CFAP299: variants seen among roughly 807,000 people sequenced by gnomAD.
CFAP299 encodes the protein cilia and flagella associated protein 299.
Under a neutral mutation model 27.0 loss-of-function variants are expected in CFAP299, and 21 were observed. That is an observed-to-expected ratio of 0.78 (90% CI 0.55 to 1.12). The LOEUF (loss-of-function observed/expected upper bound fraction) is 1.12, where lower values mean the gene tolerates loss of function less well. CFAP299 is among the 50% of genes most tolerant of loss of function. The probability of loss-of-function intolerance (pLI) is 0.00; values close to 1 mark genes in which losing one functional copy is unlikely to be tolerated. For synonymous variants in CFAP299, 104 were observed against 98.1 expected, an observed-to-expected ratio of 1.06 and a Z score of -0.36; for missense variants, 310 against 276.6, an observed-to-expected ratio of 1.12 and a Z score of -0.86.
rs540534861 is a variant in CFAP299, at chr4:80,562,693, T to C, written c.243-20400T>C. On this transcript the variant is annotated intron_variant, in intron 2 of 5. Transcript: ENST00000358105. Reference sequence around the variant, plus strand: ...ATAATAATAATAATAATAATAATAATAACAACAACAACATTGAATGTATAA... The same window carrying C: ...ATAATAATAATAATAATAATAATAACAACAACAACAACATTGAATGTATAA... Among the ~76,000 whole-genome samples, 997 of 128,604 alleles carry C rather than the reference T, an allele frequency of 7.8e-3. 6 individuals carry two copies. The highest frequency in any genetic ancestry group is 0.027 in the Middle Eastern group (6 of 224). 84.4% of individuals were successfully genotyped at this position (128,604 alleles called of 152,430 possible). A position where few individuals can be genotyped will look rare whatever the true frequency, so the allele number is the denominator to read the frequency against.
upstream of CFAP299, among the ~76,000 whole-genome samples, chr4:80,331,085 C>A (rs148861436): frequency 6.6e-6 from 1 of 152,006 alleles, no homozygotes; most frequent in East Asian, 1.9e-4. Context: ...ATCTCTATAC[C>A]GAGATCTATA....
intron 3 of CFAP299, among the ~76,000 whole-genome samples, chr4:80,800,461 A>G (rs1170305419): frequency 7.3e-5 from 1 of 13,756 alleles, no homozygotes; most frequent in Admixed American, 1.7e-3. Flanking sequence ...TTAATATAAT[A>G]TATAATATAT....
chr4:80,924,797 T>G (rs974019614), intron 4 of CFAP299, among the ~76,000 whole-genome samples: 6 of 151,438 alleles, frequency 4.0e-5, no homozygotes, highest in African/African-American at 1.5e-4. Flanking sequence ...TATTATCAAT[T>G]TTAAAAGACA....
intron 4 of CFAP299, among the ~76,000 whole-genome samples, chr4:80,944,370 T>C (rs1737362732): frequency 6.6e-6 from 1 of 152,092 alleles, no homozygotes; most frequent in African/African-American, 2.4e-5. Context: ...AACATATTAT[T>C]GAGGAAAAAA....
intron 4 of CFAP299, among the ~76,000 whole-genome samples, chr4:80,891,207 A>G (rs1734256144): frequency 6.7e-6 from 1 of 148,602 alleles, no homozygotes; most frequent in African/African-American, 2.5e-5. Context: ...TAACGTTTAA[A>G]TCTTTAATCC....
chr4:80,481,955 G>C lies in CFAP299; in HGVS notation c.243-101138G>C, dbSNP rs148867418. On this transcript the variant is annotated intron_variant, in intron 2 of 5. Transcript: ENST00000358105. ...ATTAAGAGCTTTTATCAAGTGAAGA[G>C]AGAATATTTTTGTATTTTTGTATAT... Among the ~76,000 whole-genome samples the C allele has an allele frequency of 3.8e-3, 575 of 151,982 alleles. 3 individuals carry two copies. Among genetic ancestry groups the C allele is most frequent in the Non-Finnish European group, 6.5e-3 (443 of 67,912 alleles).
intron 3 of CFAP299, among the ~76,000 whole-genome samples, chr4:80,718,322 G>C (rs1300198709): frequency 1.3e-5 from 2 of 151,946 alleles, no homozygotes; most frequent in Non-Finnish European, 2.9e-5. Context: ...TGGTATCTTT[G>C]GTATCGAATT....
intron 2 of CFAP299, among the ~76,000 whole-genome samples, chr4:80,490,177 A>T (rs1356728983): frequency 6.6e-6 from 1 of 152,186 alleles, no homozygotes; most frequent in African/African-American, 2.4e-5. Flanking sequence ...AACTCTAGTA[A>T]GCAAAACTTT....
At chr4:80,772,072 C>T (rs952716503) in intron 3 of CFAP299, among the ~76,000 whole-genome samples, 1 of 152,140 alleles carries the variant, frequency 6.6e-6, no homozygotes, top group Admixed American at 6.6e-5. Flanking sequence ...ACAGCTCTGA[C>T]CTATTATTCC....
intron 2 of CFAP299, among the ~76,000 whole-genome samples, chr4:80,479,475 C>T (rs896192059): frequency 1.3e-5 from 2 of 151,876 alleles, no homozygotes; most frequent in African/African-American, 4.8e-5. Context: ...TGCCAACATG[C>T]ATACAAAAAG....
chr4:80,814,203 C>T (rs1247777325), intron 3 of CFAP299, among the ~76,000 whole-genome samples: 1 of 152,054 alleles, frequency 6.6e-6, no homozygotes, highest in African/African-American at 2.4e-5. Context: ...CTCTATTACA[C>T]TTCATCACTT....
chr4:80,436,989 G>C (rs145696414), intron 2 of CFAP299, among the ~76,000 whole-genome samples: 1 of 152,292 alleles, frequency 6.6e-6, no homozygotes, highest in East Asian at 1.9e-4. Flanking sequence ...TTTAACAGCT[G>C]TTTTGTATTC....
chr4:80,358,256 A>AT, intron 1 of CFAP299, among the ~76,000 whole-genome samples: 1 of 152,298 alleles, frequency 6.6e-6, no homozygotes, highest in African/African-American at 2.4e-5. Context: ...TTTACTTCTC[A>AT]TTATGTGGTC....
intron 3 of CFAP299, among the ~76,000 whole-genome samples, chr4:80,762,989 A>G (rs1725623499): frequency 6.6e-6 from 1 of 152,174 alleles, no homozygotes. Context: ...TAATCCCAAG[A>G]ACATTCCCTA....
At chr4:80,609,655 A>G (rs148109499) in intron 3 of CFAP299, among the ~76,000 whole-genome samples, 36 of 152,154 alleles carry the variant, frequency 2.4e-4, no homozygotes, top group Admixed American at 2.1e-3. Flanking sequence ...TTCATGGCAC[A>G]ATTAATGTGT....
intron 2 of CFAP299, among the ~76,000 whole-genome samples, chr4:80,476,960 C>CGCGTGTGT (rs1553926298): frequency 2.1e-3 from 223 of 106,680 alleles, no homozygotes; most frequent in African/African-American, 6.2e-3. Context: ...TGTGCGCATG[C>CGCGTGTGT]GTGTGTGTGT....
chr4:80,658,026 T>C (rs1740652876), intron 3 of CFAP299, among the ~76,000 whole-genome samples: 1 of 152,180 alleles, frequency 6.6e-6, no homozygotes, highest in Non-Finnish European at 1.5e-5. Flanking sequence ...GATTTGGCTC[T>C]CTGATTGTCT....
In CFAP299 at chr4:80,935,368, T is replaced by C. The variant is rs950034385; in HGVS notation, c.477-9442T>C. Among the ~76,000 whole-genome samples, 11 of 152,056 alleles carry C rather than the reference T, an allele frequency of 7.2e-5. No homozygotes were observed. In the East Asian group the frequency reaches 7.7e-4, roughly 11 times the overall value. On this transcript the variant is annotated intron_variant, in intron 4 of 5. Coordinates refer to ENST00000358105, the MANE Select transcript of CFAP299 (RefSeq NM_152770.3). ...TGCTACTGGTACAAAAACAGACACA[T>C]AGACCAATGCAACAGAATAGAGAGC...
rs185891705 is a variant in CFAP299 at position 80,501,668 on chromosome 4, C to G, written c.243-81425C>G. ...TTGGATAAGCTTCTAAGAATTTGCT[C>G]AACAGTTTGAATTTGTCTCAACATT... On this transcript the variant is annotated intron_variant, in intron 2 of 5. Transcript: ENST00000358105. Among the ~76,000 whole-genome samples the G allele has an allele frequency of 2.6e-3, 399 of 151,170 alleles. 3 individuals are homozygous for G. The highest frequency in any genetic ancestry group is 8.0e-3 in the African/African-American group (332 of 41,368).
Sources: gnomAD v4.1 joint callset for allele counts (sites outside exome capture counted in the v4.1 genomes callset) on GRCh38, gnomAD v4.1.1 for gene constraint, MANE v1.5 for transcripts, NCBI Gene and HGNC (gene_info 2026-07-23, HGNC 2026-07-21) for gene names.